PTK2B: variants seen among roughly 807,000 people sequenced by gnomAD.
The protein encoded by PTK2B is protein tyrosine kinase 2 beta, also known as protein-tyrosine kinase 2-beta.
Under a neutral mutation model 142.9 loss-of-function variants are expected in PTK2B, and 71 were observed. The ratio of observed to expected loss-of-function variants is 0.50; its 90% CI spans 0.41 to 0.61. PTK2B has a LOEUF of 0.61. Among genes scored for constraint, PTK2B ranks in the 20% least tolerant of loss-of-function variants. PTK2B has a pLI of 0.00. For missense variants in PTK2B, 1,105 were observed against 1,320.4 expected (o/e 0.84, Z 2.53); for synonymous variants, 519 against 503.4 (o/e 1.03, Z -0.42).
chr8:27,384,295 CA>C (rs1440077187), intron 1 of PTK2B, among the ~76,000 whole-genome samples: 1 of 152,198 alleles, frequency 6.6e-6, no homozygotes, highest in Non-Finnish European at 1.5e-5. Flanking sequence ...TGTGCCCAGC[CA>C]AGATTACTTT....
At chr8:27,394,324 CTA>C (rs1807908853) in intron 1 of PTK2B, among the ~76,000 whole-genome samples, 1 of 152,170 alleles carries the variant, frequency 6.6e-6, no homozygotes, top group Admixed American at 6.5e-5. Flanking sequence ...ACAGCCTAGA[CTA>C]TATGGTATAG....
chr8:27,311,405 A>C, upstream of PTK2B: 2 of 832,020 alleles, frequency 2.4e-6, no homozygotes, highest in South Asian at 3.8e-5. Flanking sequence ...AGGGGGAGGG[A>C]GGGGGCGCTC....
intron 1 of PTK2B, among the ~76,000 whole-genome samples, chr8:27,347,727 G>T (rs1804799705): frequency 6.6e-6 from 1 of 152,142 alleles, no homozygotes; most frequent in Non-Finnish European, 1.5e-5. Context: ...TGAAGTACTG[G>T]GGGTTAGGAC....
chr8:27,437,084 G>T, intron 15 of PTK2B, 38 bp from the exon 16 acceptor site: 1 of 1,584,654 alleles, frequency 6.3e-7, no homozygotes, highest in Non-Finnish European at 8.7e-7. Flanking sequence ...CTGAGCACTG[G>T]GCTGGACCAA....
intron 1 of PTK2B, among the ~76,000 whole-genome samples, chr8:27,333,601 A>G (rs1435844750): frequency 6.6e-6 from 1 of 152,156 alleles, no homozygotes. Flanking sequence ...TTTGAGAGAT[A>G]TATAACTTAT....
At chr8:27,457,975 CAAAAAAAA>C (rs11317355) in intron 30 of PTK2B, among the ~76,000 whole-genome samples, 153 of 93,998 alleles carry the variant, frequency 1.6e-3, no homozygotes, top group South Asian at 6.8e-3. Flanking sequence ...AACTCAGTCT[CAAAAAAAA>C]AAAAAAAAAA....
At chr8:27,438,137 T>C in intron 18 of PTK2B, 1 of 410,754 alleles carries the variant, frequency 2.4e-6, no homozygotes, top group South Asian at 3.2e-5. Context: ...ATCAAGACCT[T>C]CTAGCCCCTC....
At chr8:27,392,487 T>A (rs1807786341) in intron 1 of PTK2B, among the ~76,000 whole-genome samples, 1 of 152,182 alleles carries the variant, frequency 6.6e-6, no homozygotes, top group African/African-American at 2.4e-5. Flanking sequence ...TCTCACTTCA[T>A]CTTCACCACC....
chr8:27,336,562 T>C (rs75250885), intron 1 of PTK2B, among the ~76,000 whole-genome samples: 2,320 of 152,316 alleles, frequency 0.015, 49 homozygotes, highest in African/African-American at 0.038. Context: ...CTTATTTTCA[T>C]ATGTAAACTT....
chr8:27,350,989 AAATATATATAT>A (rs1325260708), intron 1 of PTK2B, among the ~76,000 whole-genome samples: 2 of 17,724 alleles, frequency 1.1e-4, no homozygotes, highest in East Asian at 6.9e-4. Context: ...AAAAAAAAAA[AAATATATATAT>A]ATATATATAT....
intron 23 of PTK2B, 30 bp downstream of exon 23, chr8:27,444,301 C>A: frequency 6.3e-7 from 1 of 1,589,850 alleles, no homozygotes; most frequent in Non-Finnish European, 8.6e-7. Flanking sequence ...ACGGGAACTT[C>A]AGGTCTACCT....
intron 1 of PTK2B, among the ~76,000 whole-genome samples, chr8:27,327,207 A>G (rs1286919039): frequency 6.6e-6 from 1 of 152,152 alleles, no homozygotes; most frequent in East Asian, 1.9e-4. Context: ...TAGAGCGTGC[A>G]GGGGCGAGGG....
At chr8:27,327,220 A>G (rs562963193) in intron 1 of PTK2B, among the ~76,000 whole-genome samples, 81 of 152,138 alleles carry the variant, frequency 5.3e-4, no homozygotes, top group Non-Finnish European at 1.1e-3. Flanking sequence ...GGCGAGGGGA[A>G]GCTGCAGGGG....
At chr8:27,348,438 G>A (rs1804842730) in intron 1 of PTK2B, among the ~76,000 whole-genome samples, 3 of 151,924 alleles carry the variant, frequency 2.0e-5, no homozygotes, top group South Asian at 4.2e-4. Context: ...AGCTCTTCCC[G>A]GCGTGCACAC....
chr8:27,390,130 T>C (rs11775464), intron 1 of PTK2B, among the ~76,000 whole-genome samples: 58,704 of 151,994 alleles, frequency 0.39, 11,828 homozygotes, highest in Middle Eastern at 0.5. Context: ...CTTCCTTCCA[T>C]GGACAGGCGC....
intron 9 of PTK2B, among the ~76,000 whole-genome samples, chr8:27,431,725 A>T (rs986725693): frequency 2.0e-5 from 3 of 152,328 alleles, no homozygotes; most frequent in Admixed American, 1.3e-4. Flanking sequence ...GGCCTCAATG[A>T]TTACTCGCAG....
intron 1 of PTK2B, among the ~76,000 whole-genome samples, chr8:27,342,403 CA>C (rs1399515909): frequency 6.6e-6 from 1 of 152,074 alleles, no homozygotes; most frequent in Non-Finnish European, 1.5e-5. Context: ...CCTCTCACCT[CA>C]GCCTCCCGAG....
rs1040491744 is a variant in PTK2B, at chr8:27,363,023, G to A, written c.-37-34525G>A. ...TCAGCTGGGAATTTTTGTGGAAGCA[G>A]CTCCTTGGATAGCATCACTCCTGTT... On this transcript the variant is annotated intron_variant, in intron 1 of 30. Coordinates refer to ENST00000346049, the MANE Select transcript of PTK2B (RefSeq NM_173176.3). The surrounding 1 kb of genome is among the most constrained non-coding windows in gnomAD (Gnocchi z 4.3). Among the ~76,000 whole-genome samples, 1 of 152,194 alleles carries A rather than the reference G, an allele frequency of 6.6e-6. No homozygotes were observed. Among genetic ancestry groups the A allele is most frequent in the Non-Finnish European group, 1.5e-5 (1 of 68,034 alleles).
At chr8:27,310,694 C>T, upstream of PTK2B, 5 of 1,292,506 alleles carry the variant, frequency 3.9e-6, no homozygotes, top group Non-Finnish European at 5.3e-6. Flanking sequence ...GGGAGCGAGA[C>T]GCGGGCACAC....
Sources: allele counts gnomAD v4.1 joint callset (sites outside exome capture counted in the v4.1 genomes callset), GRCh38; gene constraint gnomAD v4.1.1; non-coding constraint Gnocchi (gnomAD v3.1); transcripts MANE v1.5; gene names NCBI Gene and HGNC (gene_info 2026-07-23, HGNC 2026-07-21).